DAD1: variants seen among roughly 807,000 people sequenced by gnomAD.
DAD1 encodes defender against cell death 1.
A neutral mutation model predicts 9.0 loss-of-function variants in DAD1; 4 were observed. The observed-to-expected ratio is 0.44, with a 90% confidence interval of 0.22 to 1.01. The LOEUF (loss-of-function observed/expected upper bound fraction) is 1.01, where lower values mean the gene tolerates loss of function less well. DAD1 is among the 50% of genes least tolerant of loss of function. DAD1 has a pLI of 0.24. For missense variants in DAD1, 119 were observed against 137.3 expected (o/e 0.87, Z 0.67); for synonymous variants, 60 against 62.5 (o/e 0.96, Z 0.19).
In DAD1 at chr14:22,583,765, G is replaced by A. The variant is rs114595950; in HGVS notation, c.211+5182C>T. The stretch of plus-strand genomic sequence containing the variant: ...AGACTGGATCCTCTGCACAAGCAGA[G>A]CTTTCACAGGAAAGAGACACATCAT... On this transcript the variant is annotated intron_variant, in intron 1 of 2. Coordinates refer to ENST00000250498, the MANE Select transcript of DAD1 (RefSeq NM_001344.4). 1.6e-3 allele frequency among the ~76,000 whole-genome samples: 239 copies of A among 152,218 alleles called. 3 individuals are homozygous for A. Among genetic ancestry groups the A allele is most frequent in the African/African-American group, 5.6e-3 (231 of 41,506 alleles).
chr14:22,573,721 AAAAAAAAC>A (rs1353324323), intron 2 of DAD1, among the ~76,000 whole-genome samples: 13 of 125,984 alleles, frequency 1.0e-4, no homozygotes, highest in African/African-American at 4.8e-4. Flanking sequence ...AAAAAAAAAA[AAAAAAAAC>A]AGAAAAGAAA....
At chr14:22,588,923 T>C in intron 1 of DAD1, 24 bp downstream of exon 1, 1 of 1,609,916 alleles carries the variant, frequency 6.2e-7, no homozygotes, top group East Asian at 2.2e-5. Context: ...ACATTATTAT[T>C]ATGATCACTT....
chr14:22,582,414 C>T (rs2037123495), intron 1 of DAD1, among the ~76,000 whole-genome samples: 1 of 149,686 alleles, frequency 6.7e-6, no homozygotes, highest in South Asian at 2.1e-4. Context: ...GTCCCAGCTA[C>T]TCGGGAGGCT....
Position 22,565,004 on chromosome 14 carries a change from G to A in DAD1, c.*178C>T, listed in dbSNP as rs904064410. 6.2e-6 allele frequency: 4 copies of A among 646,318 alleles called. No individual in the cohort carries two copies. The South Asian group carries it at 6.8e-5, about 11-fold the overall frequency. The allele number at this position is 646,318 out of a possible 1,614,324, so 40.0% of individuals were successfully genotyped here. On this transcript the variant is annotated 3_prime_UTR_variant, in exon 3 of 3. Transcript: ENST00000250498. ...TAAATGTTTGTTAGAAAGTTGTTCT[G>A]ACACACAGTGAACTCTGGGCTTTTC...
intron 2 of DAD1, among the ~76,000 whole-genome samples, chr14:22,565,770 C>G (rs2036998539): frequency 6.6e-6 from 1 of 152,140 alleles, no homozygotes; most frequent in Non-Finnish European, 1.5e-5. Context: ...AGGTGGAACC[C>G]TCACCACAAG....
At chr14:22,574,720 TTAAC>T (rs2037064999) in intron 2 of DAD1, among the ~76,000 whole-genome samples, 2 of 152,132 alleles carry the variant, frequency 1.3e-5, no homozygotes, top group African/African-American at 4.8e-5. Flanking sequence ...CAGAAAAAAA[TTAAC>T]TAACAAATCT....
chr14:22,574,932 C>A, intron 2 of DAD1, 127 bp downstream of exon 2: 3 of 729,482 alleles, frequency 4.1e-6, no homozygotes, highest in Non-Finnish European at 4.5e-6. Context: ...ACTTTGCAGA[C>A]CAATGGAAAA....
intron 1 of DAD1, among the ~76,000 whole-genome samples, chr14:22,576,379 A>G (rs956269095): frequency 6.6e-6 from 1 of 152,304 alleles, no homozygotes; most frequent in Non-Finnish European, 1.5e-5. Context: ...TTCTCAACCA[A>G]CGATGCTGGG....
chr14:22,585,865 T>G (rs2037148102), intron 1 of DAD1, among the ~76,000 whole-genome samples: 1 of 152,168 alleles, frequency 6.6e-6, no homozygotes, highest in South Asian at 2.1e-4. Context: ...TCCCTCCAAT[T>G]CATCCTACAT....
At chr14:22,586,877 CT>C (rs1233468328) in intron 1 of DAD1, among the ~76,000 whole-genome samples, 1 of 152,182 alleles carries the variant, frequency 6.6e-6, no homozygotes, top group African/African-American at 2.4e-5. Flanking sequence ...TCTGTGGCAA[CT>C]AAGAATTATC....
At chr14:22,587,080 T>G (rs1429179639) in intron 1 of DAD1, among the ~76,000 whole-genome samples, 1 of 152,166 alleles carries the variant, frequency 6.6e-6, no homozygotes, top group Non-Finnish European at 1.5e-5. Context: ...CCAATTCAAT[T>G]TCAGCCACAA....
chr14:22,587,160 C>G (rs181347306), intron 1 of DAD1, among the ~76,000 whole-genome samples: 2 of 152,344 alleles, frequency 1.3e-5, no homozygotes, highest in East Asian at 3.9e-4. Flanking sequence ...CTTTATTACA[C>G]TGATAATCTA....
In DAD1 at chr14:22,568,187, C is replaced by A. The variant is rs569280862; in HGVS notation, c.*45-3050G>T. 3.3e-5 allele frequency among the ~76,000 whole-genome samples: 5 copies of A among 152,236 alleles called. No homozygotes were observed. In the East Asian group the frequency reaches 9.6e-4, roughly 29 times the overall value. Reference sequence around the variant, plus strand: ...CTAAAGTTTCACCAAGGTGTAATTACCTCAAGTGTAAAATAGGAATACTAC... The same window carrying A: ...CTAAAGTTTCACCAAGGTGTAATTAACTCAAGTGTAAAATAGGAATACTAC... On this transcript the variant is annotated intron_variant, in intron 2 of 2. Coordinates refer to ENST00000250498, the MANE Select transcript of DAD1 (RefSeq NM_001344.4).
intron 2 of DAD1, among the ~76,000 whole-genome samples, chr14:22,566,421 G>A (rs1246938345): frequency 1.3e-5 from 2 of 151,360 alleles, no homozygotes; most frequent in Non-Finnish European, 2.9e-5. Flanking sequence ...CGCAACCTCC[G>A]CCTCCCGGGT....
At chr14:22,567,453 T>C (rs2037008790) in intron 2 of DAD1, among the ~76,000 whole-genome samples, 1 of 152,216 alleles carries the variant, frequency 6.6e-6, no homozygotes, top group African/African-American at 2.4e-5. Context: ...TCACCAGTTT[T>C]AGAAGGCACA....
At chr14:22,569,365 G>A (rs772504375) in intron 2 of DAD1, among the ~76,000 whole-genome samples, 14 of 152,016 alleles carry the variant, frequency 9.2e-5, no homozygotes, top group Admixed American at 2.0e-4. Flanking sequence ...CCCAGGAGGC[G>A]GAGGTTATAG....
intron 2 of DAD1, among the ~76,000 whole-genome samples, chr14:22,566,403 C>T (rs1454825645): frequency 2.6e-5 from 4 of 151,548 alleles, no homozygotes; most frequent in Admixed American, 6.6e-5. Context: ...GGCGTGATCT[C>T]GGGTCACCGC....
chr14:22,579,849 T>TTC (rs1158935748), intron 1 of DAD1, among the ~76,000 whole-genome samples: 1 of 149,988 alleles, frequency 6.7e-6, no homozygotes, highest in Non-Finnish European at 1.5e-5. Context: ...CCTTTTTTTT[T>TTC]TTTTTTTTGA....
intron 2 of DAD1, among the ~76,000 whole-genome samples, chr14:22,571,955 A>C (rs2037044289): frequency 1.3e-5 from 2 of 152,160 alleles, no homozygotes; most frequent in Non-Finnish European, 2.9e-5. Context: ...TCTCAACTTC[A>C]GTTCCTCATC....
Sources: gnomAD v4.1 joint callset for allele counts (sites outside exome capture counted in the v4.1 genomes callset) on GRCh38, gnomAD v4.1.1 for gene constraint, MANE v1.5 for transcripts, NCBI Gene and HGNC (gene_info 2026-07-23, HGNC 2026-07-21) for gene names.